SLC24A2: variants seen among roughly 807,000 people sequenced by gnomAD.
The protein encoded by SLC24A2 is sodium/potassium/calcium exchanger 2.
A neutral mutation model predicts 62.0 loss-of-function variants in SLC24A2; 36 were observed. That is an observed-to-expected ratio of 0.58 (90% CI 0.44 to 0.77). The LOEUF (loss-of-function observed/expected upper bound fraction) is 0.77. Ranked by LOEUF, SLC24A2 falls within the 30% of genes least tolerant of loss-of-function variation. SLC24A2 has a pLI of 0.00. For synonymous variants in SLC24A2, 358 were observed against 294.0 expected (o/e 1.22, Z -2.23); for missense variants, 846 against 817.9 (o/e 1.03, Z -0.42).
At chr9:19,612,924 A>T (rs888552480) in intron 4 of SLC24A2, among the ~76,000 whole-genome samples, 1 of 152,170 alleles carries the variant, frequency 6.6e-6, no homozygotes, top group African/African-American at 2.4e-5. Context: ...TTGGTTTCCT[A>T]CTACTCAGCA....
chr9:20,064,556 A>G, the SLC24A2 span, among the ~76,000 whole-genome samples: 1 of 152,362 alleles, frequency 6.6e-6, no homozygotes, highest in East Asian at 1.9e-4. Flanking sequence ...TGTTATTTAC[A>G]CAGGCTACTG....
At chr9:19,695,751 T>G (rs768091349) in intron 2 of SLC24A2, among the ~76,000 whole-genome samples, 5 of 150,170 alleles carry the variant, frequency 3.3e-5, no homozygotes, top group Non-Finnish European at 5.9e-5. Context: ...ATAGATTAAT[T>G]ATAGACTATT....
chr9:19,637,119 C>T (rs1208591127), intron 2 of SLC24A2, among the ~76,000 whole-genome samples: 3 of 152,132 alleles, frequency 2.0e-5, no homozygotes, highest in Admixed American at 6.6e-5. Context: ...CAAAAGGACC[C>T]GTCTAGCCCA....
chr9:19,942,545 A>G, the SLC24A2 span, among the ~76,000 whole-genome samples: 1 of 152,174 alleles, frequency 6.6e-6, no homozygotes, highest in East Asian at 1.9e-4. Context: ...AGAATATGGG[A>G]ATTTCTTAGG....
At chr9:20,130,744 G>A in the SLC24A2 span, among the ~76,000 whole-genome samples, 1 of 152,150 alleles carries the variant, frequency 6.6e-6, no homozygotes, top group African/African-American at 2.4e-5. Context: ...TGAAGAATGT[G>A]TTGTAGGATG....
chr9:19,912,646 A>C, the SLC24A2 span, among the ~76,000 whole-genome samples: 58 of 152,270 alleles, frequency 3.8e-4, 1 homozygote, highest in South Asian at 0.012. Context: ...TAAATAAATC[A>C]TCTTAGTTTT....
At chr9:19,642,381 A>G (rs2118087327) in intron 2 of SLC24A2, among the ~76,000 whole-genome samples, 1 of 152,318 alleles carries the variant, frequency 6.6e-6, no homozygotes, top group Non-Finnish European at 1.5e-5. Context: ...CAGGGGCCAG[A>G]GCAGACAGGG....
chr9:19,958,976 G>T, the SLC24A2 span, among the ~76,000 whole-genome samples: 24 of 152,198 alleles, frequency 1.6e-4, no homozygotes, highest in East Asian at 4.4e-3. Flanking sequence ...AACAATTTTT[G>T]TGTAGCAAGT....
chr9:19,558,205 G>C (rs138477738), intron 7 of SLC24A2, among the ~76,000 whole-genome samples: 1 of 152,228 alleles, frequency 6.6e-6, no homozygotes, highest in African/African-American at 2.4e-5. Context: ...GTGAAATGAA[G>C]GGCAGACCTG....
At chr9:19,649,594 A>G (rs1216484290) in intron 2 of SLC24A2, among the ~76,000 whole-genome samples, 1 of 152,178 alleles carries the variant, frequency 6.6e-6, no homozygotes, top group Non-Finnish European at 1.5e-5. Flanking sequence ...AGAGAGTACA[A>G]CTGGATCAAA....
chr9:19,590,568 GTCTCCC>G (rs1194539463), intron 5 of SLC24A2, among the ~76,000 whole-genome samples: 10 of 152,004 alleles, frequency 6.6e-5, no homozygotes, highest in Non-Finnish European at 1.2e-4. Context: ...GGACTTCCTG[GTCTCCC>G]TCCATTCATT....
At chr9:20,184,182 A>C in the SLC24A2 span, among the ~76,000 whole-genome samples, 1 of 152,238 alleles carries the variant, frequency 6.6e-6, no homozygotes, top group Non-Finnish European at 1.5e-5. Flanking sequence ...AGCCACATTA[A>C]TTATCACGGA....
At chr9:19,618,503 C>T (rs574069323) in intron 4 of SLC24A2, among the ~76,000 whole-genome samples, 21 of 152,244 alleles carry the variant, frequency 1.4e-4, no homozygotes, top group African/African-American at 4.6e-4. Context: ...CAAGGAGAGG[C>T]GACCCTGTGT....
At chr9:20,213,130 T>A in the SLC24A2 span, among the ~76,000 whole-genome samples, 1 of 151,716 alleles carries the variant, frequency 6.6e-6, no homozygotes, top group African/African-American at 2.4e-5. Flanking sequence ...ATGGCACACA[T>A]TTACCTATGT....
intron 5 of SLC24A2, among the ~76,000 whole-genome samples, chr9:19,578,303 C>A (rs904145590): frequency 1.4e-5 from 2 of 147,646 alleles, no homozygotes; most frequent in Non-Finnish European, 3.0e-5. Context: ...AACACAAGTG[C>A]GATGTTTCAT....
At chr9:20,290,500 C>T in the SLC24A2 span, among the ~76,000 whole-genome samples, 12 of 152,190 alleles carry the variant, frequency 7.9e-5, no homozygotes, top group East Asian at 1.3e-3. Context: ...CCTTTGGCCG[C>T]GGGTCTGTAG....
chr9:20,266,726 T>C, the SLC24A2 span, among the ~76,000 whole-genome samples: 1 of 152,208 alleles, frequency 6.6e-6, no homozygotes, highest in Non-Finnish European at 1.5e-5. Flanking sequence ...AATCTCTGTA[T>C]CCTTGGAGAT....
intron 7 of SLC24A2, among the ~76,000 whole-genome samples, chr9:19,566,948 C>A (rs6475355): frequency 6.8e-6 from 1 of 146,234 alleles, no homozygotes; most frequent in African/African-American, 2.5e-5. Context: ...CATCACACAC[C>A]GGGGCCTGTT....
intron 2 of SLC24A2, among the ~76,000 whole-genome samples, chr9:19,779,330 A>G (rs1286640700): frequency 6.6e-6 from 1 of 152,176 alleles, no homozygotes; most frequent in Non-Finnish European, 1.5e-5. Flanking sequence ...AATGCCAAAC[A>G]CTCAAAGCAA....
Sources: allele counts gnomAD v4.1 joint callset (sites outside exome capture counted in the v4.1 genomes callset), GRCh38; gene constraint gnomAD v4.1.1; transcripts MANE v1.5; gene names NCBI Gene and HGNC (gene_info 2026-07-23, HGNC 2026-07-21).